IP6K1: variants seen among roughly 807,000 people sequenced by gnomAD.
IP6K1 encodes inositol hexakisphosphate kinase 1.
A neutral mutation model predicts 38.3 loss-of-function variants in IP6K1; 13 were observed. That is an observed-to-expected ratio of 0.34 (90% CI 0.22 to 0.54). The LOEUF (loss-of-function observed/expected upper bound fraction) is 0.54. Ranked by LOEUF, IP6K1 falls within the 20% of genes least tolerant of loss-of-function variation. The pLI, the probability that IP6K1 is intolerant of heterozygous loss-of-function variation, is 0.92. For synonymous variants in IP6K1, 212 were observed against 229.9 expected (o/e 0.92, Z 0.70); for missense variants, 397 against 599.8 (o/e 0.66, Z 3.53).
At position 49,727,372 on chromosome 3, in the gene IP6K1, T is replaced by C. The variant is rs1218232285; in HGVS notation, c.1076A>G (p.Lys359Arg). ...CLDRRSEMRL[K>R]HLDMVLPEVA... ...CTCAGGGAGCACCATGTCCAGGTGC[T>C]TGAGACGCATCTCAGACCGGCGGTC... Residue 359 changes from lysine (K) to arginine (R), a missense_variant, in exon 6 of 6, where the codon AAG becomes AGG. Around this residue, in one of 3 missense-constraint regions of IP6K1, gnomAD observed 164 missense variants for 213.5 expected, o/e 0.77. Transcript: ENST00000321599. This position sits in a 1 kb window ranked among gnomAD's most constrained non-coding sequence, Gnocchi z 5.9. The C allele has an allele frequency of 6.2e-7, 1 of 1,614,130 alleles. No individual in the cohort carries two copies. The highest frequency in any genetic ancestry group is 1.1e-5 in the South Asian group (1 of 91,082).
chr3:49,749,243 G>C (rs546988010), intron 1 of IP6K1, among the ~76,000 whole-genome samples: 2 of 152,250 alleles, frequency 1.3e-5, no homozygotes, highest in East Asian at 1.9e-4. Flanking sequence ...TTTCCCAAAG[G>C]AATTCAGGCT....
chr3:49,748,365 A>G (rs1463180407), intron 1 of IP6K1, among the ~76,000 whole-genome samples, 197 bp from the exon 2 acceptor site: 1 of 152,130 alleles, frequency 6.6e-6, no homozygotes, highest in African/African-American at 2.4e-5. Flanking sequence ...TCTTCCATCT[A>G]TCTTGTGCAC....
intron 1 of IP6K1, among the ~76,000 whole-genome samples, chr3:49,763,836 T>C (rs955067365): frequency 4.6e-5 from 7 of 151,856 alleles, no homozygotes; most frequent in East Asian, 3.9e-4. Context: ...GCCAACATGG[T>C]GAAACCCCGT....
intron 4 of IP6K1, among the ~76,000 whole-genome samples, chr3:49,729,463 A>C (rs2108220951): frequency 6.6e-6 from 1 of 151,204 alleles, no homozygotes; most frequent in African/African-American, 2.4e-5. Context: ...GCTGGAGTGC[A>C]ATGGCACTAT....
At chr3:49,738,641 T>C (rs2080637870) in intron 2 of IP6K1, among the ~76,000 whole-genome samples, 1 of 152,238 alleles carries the variant, frequency 6.6e-6, no homozygotes, top group African/African-American at 2.4e-5. Context: ...TGTTCCTGGA[T>C]AAGTCTATAT....
intron 1 of IP6K1, among the ~76,000 whole-genome samples, chr3:49,784,078 G>A (rs774941961): frequency 3.3e-5 from 5 of 151,814 alleles, no homozygotes; most frequent in South Asian, 2.1e-4. Flanking sequence ...GTGCAGTGGC[G>A]CGATCTCAGC....
chr3:49,758,959 T>TCC, intron 1 of IP6K1, among the ~76,000 whole-genome samples: 1 of 80,618 alleles, frequency 1.2e-5, no homozygotes, highest in Non-Finnish European at 2.7e-5. Context: ...AAAAAAAAAA[T>TCC]ACCCAACAGT....
At chr3:49,752,544 T>C (rs1395241532) in intron 1 of IP6K1, among the ~76,000 whole-genome samples, 1 of 151,256 alleles carries the variant, frequency 6.6e-6, no homozygotes, top group Admixed American at 6.6e-5. Flanking sequence ...TGTGTGTGTG[T>C]GAGTTTCGCT....
At chr3:49,736,542 T>C (rs970480734) in intron 3 of IP6K1, among the ~76,000 whole-genome samples, 5 of 152,166 alleles carry the variant, frequency 3.3e-5, no homozygotes, top group Admixed American at 2.0e-4. Context: ...TTGTAGCATG[T>C]ACCAGCACTC....
At chr3:49,732,743 G>T in intron 4 of IP6K1, 48 bp downstream of exon 4, 4 of 1,498,950 alleles carry the variant, frequency 2.7e-6, no homozygotes, top group South Asian at 1.3e-5. Flanking sequence ...CCCAACACAC[G>T]ACCTATGGAC....
chr3:49,784,028 AT>A (rs2081090349), intron 1 of IP6K1, among the ~76,000 whole-genome samples: 1 of 151,770 alleles, frequency 6.6e-6, no homozygotes, highest in Non-Finnish European at 1.5e-5. Context: ...TTATTTATTT[AT>A]TTTTGGAGAC....
chr3:49,760,021 G>C (rs1343622870), intron 1 of IP6K1, among the ~76,000 whole-genome samples: 1 of 152,110 alleles, frequency 6.6e-6, no homozygotes, highest in African/African-American at 2.4e-5. Context: ...TCCCACCTCA[G>C]CTTCCTGAGT....
intron 1 of IP6K1, among the ~76,000 whole-genome samples, chr3:49,778,787 G>T (rs530639032): frequency 2.6e-5 from 4 of 152,170 alleles, no homozygotes; most frequent in African/African-American, 9.6e-5. Flanking sequence ...CACCACGCCT[G>T]GCTAATTTTT....
chr3:49,772,902 C>T (rs1211591834), intron 1 of IP6K1, among the ~76,000 whole-genome samples: 1 of 151,622 alleles, frequency 6.6e-6, no homozygotes, highest in African/African-American at 2.4e-5. Flanking sequence ...CTGCTCACTG[C>T]AGCCTCCAAC....
intron 2 of IP6K1, among the ~76,000 whole-genome samples, chr3:49,741,706 C>T (rs780562385): frequency 2.0e-5 from 3 of 152,210 alleles, no homozygotes; most frequent in East Asian, 1.9e-4. Flanking sequence ...GAAGGCCAAA[C>T]ATTCTGCCAT....
chr3:49,770,852 G>A (rs1413227323), intron 1 of IP6K1, among the ~76,000 whole-genome samples: 10 of 152,184 alleles, frequency 6.6e-5, no homozygotes, highest in South Asian at 4.1e-4. Context: ...GATCACACCC[G>A]TATTCCTAGC....
intron 1 of IP6K1, among the ~76,000 whole-genome samples, chr3:49,776,743 G>C (rs2081011902): frequency 6.6e-6 from 1 of 152,050 alleles, no homozygotes; most frequent in South Asian, 2.1e-4. Flanking sequence ...AATTTTAGCA[G>C]GTCTGCAAAC....
chr3:49,749,510 G>A (rs902357990), intron 1 of IP6K1, among the ~76,000 whole-genome samples: 4 of 152,152 alleles, frequency 2.6e-5, no homozygotes, highest in Non-Finnish European at 5.9e-5. Context: ...AGTAGAGCAG[G>A]AATATGGTCC....
intron 4 of IP6K1, among the ~76,000 whole-genome samples, chr3:49,730,722 AT>A (rs914598178): frequency 3.4e-4 from 49 of 145,966 alleles, no homozygotes; most frequent in Admixed American, 4.8e-4. Flanking sequence ...AATTTTTTGT[AT>A]TTTTTTTTTT....
Sources: gnomAD v4.1 joint callset for allele counts (sites outside exome capture counted in the v4.1 genomes callset) on GRCh38, gnomAD v4.1.1 for gene constraint, gnomAD v4.1.1 regional missense constraint, Gnocchi (gnomAD v3.1) non-coding constraint, MANE v1.5 for transcripts, NCBI Gene and HGNC (gene_info 2026-07-23, HGNC 2026-07-21) for gene names.